CLDN19: variants seen among roughly 807,000 people sequenced by gnomAD.
CLDN19 encodes claudin 19.
A neutral mutation model predicts 24.5 loss-of-function variants in CLDN19; 19 were observed. That is an observed-to-expected ratio of 0.78 (90% CI 0.54 to 1.14). The LOEUF is 1.14. CLDN19 is among the 50% of genes most tolerant of loss of function. The pLI is 0.00. For synonymous variants in CLDN19, 117 were observed against 129.6 expected (o/e 0.90, Z 0.66); for missense variants, 250 against 295.9 (o/e 0.84, Z 1.14).
intron 1 of CLDN19, 112 bp from the exon 2 acceptor site, chr1:42,738,697 TG>T (rs1180847356): frequency 2.4e-5 from 25 of 1,033,658 alleles, no homozygotes; most frequent in Non-Finnish European, 3.2e-5. Flanking sequence ...GGAGCTGGCC[TG>T]GGGGGTCAGA....
chr1:42,733,437 A>C lies in CLDN19; in HGVS notation c.*1649T>G, dbSNP rs573446568. 6.6e-6 allele frequency: 1 copy of C among 152,328 alleles called. No homozygotes were observed. The highest frequency in any genetic ancestry group is 2.4e-5 in the African/African-American group (1 of 41,408). The allele number at this position is 152,328 out of a possible 1,614,324, so 9.4% of individuals were successfully genotyped here. A position where few individuals can be genotyped will look rare whatever the true frequency, so the allele number is the denominator to read the frequency against. On this transcript the variant is annotated 3_prime_UTR_variant, in exon 5 of 5. Coordinates refer to ENST00000296387, the MANE Select transcript of CLDN19 (RefSeq NM_148960.3). ...GACCTCACAGAGTCACCTGGGCTTGAGGCCTCATAGAGGAGCCCTCAGTGC... is the reference window on the plus strand; with the variant it reads ...GACCTCACAGAGTCACCTGGGCTTGCGGCCTCATAGAGGAGCCCTCAGTGC...
At chr1:42,736,400 T>A (rs1651373912) in intron 3 of CLDN19, among the ~76,000 whole-genome samples, 1 of 151,844 alleles carries the variant, frequency 6.6e-6, no homozygotes, top group African/African-American at 2.4e-5. Context: ...CCAGTCACAT[T>A]CTGGCCCACA....
chr1:42,739,794 C>T (rs1220521565), intron 1 of CLDN19, 47 bp downstream of exon 1: 4 of 1,541,152 alleles, frequency 2.6e-6, no homozygotes, highest in East Asian at 4.5e-5. Context: ...CCAGACTCCC[C>T]TGCTGTTCCC....
chr1:42,737,904 A>G (rs1255096954), intron 3 of CLDN19, among the ~76,000 whole-genome samples: 2 of 151,988 alleles, frequency 1.3e-5, no homozygotes, highest in East Asian at 3.9e-4. Flanking sequence ...GCTGGTCTTG[A>G]ACTCCTGACC....
chr1:42,738,104 C>T (rs1313095049), intron 3 of CLDN19, 125 bp downstream of exon 3: 1 of 879,268 alleles, frequency 1.1e-6, no homozygotes, highest in East Asian at 2.5e-5. Flanking sequence ...CTCCTGGCGC[C>T]CCCCTTTAAA....
intron 3 of CLDN19, among the ~76,000 whole-genome samples, chr1:42,737,161 C>G (rs978939864): frequency 6.6e-6 from 1 of 152,212 alleles, no homozygotes; most frequent in African/African-American, 2.4e-5. Flanking sequence ...TGCAGAGCAT[C>G]CCCTTCAGTT....
At position 42,739,902 on chromosome 1, in the gene CLDN19, G is replaced by A. The variant is rs1303732063; in HGVS notation, c.162C>T (p.Cys54=). 7 of 1,612,766 alleles carry A rather than the reference G, an allele frequency of 4.3e-6. No individual in the cohort carries two copies. Among genetic ancestry groups the A allele is most frequent in the Non-Finnish European group, 4.2e-6 (5 of 1,179,666 alleles). Residue 54 remains cysteine, a synonymous_variant, in exon 1 of 5, where the codon TGC becomes TGT. Transcript: ENST00000296387. ...GCACTTGCCCAGTGCTCTGGGAGGC[G>A]CAGGACATCCAGAGCCCTTCATAGA... ...VGLYEGLWMS[C]ASQSTGQVQC...
rs1313365002 is a variant in CLDN19, at chr1:42,735,040, A to G, written c.*46T>C. 7.0e-7 allele frequency: 1 copy of G among 1,422,178 alleles called. No individual in the cohort carries two copies. Among genetic ancestry groups the G allele is most frequent in the African/African-American group, 1.4e-5 (1 of 71,140 alleles). 88.1% of individuals were successfully genotyped at this position (1,422,178 alleles called of 1,614,324 possible). A position where few individuals can be genotyped will look rare whatever the true frequency, so the allele number is the denominator to read the frequency against. ...CTCTTTCCAAAAAAATATGAAACAC[A>G]CAGTCTAGGTATGGCAGGGGACAGA... On this transcript the variant is annotated 3_prime_UTR_variant, in exon 5 of 5. Coordinates refer to ENST00000296387, the MANE Select transcript of CLDN19 (RefSeq NM_148960.3).
Position 42,735,879 on chromosome 1 carries a change from C to A in CLDN19, c.625G>T (p.Glu209Ter). 1 of 1,576,188 alleles carries A rather than the reference C, an allele frequency of 6.3e-7. No homozygotes were observed. Among genetic ancestry groups the A allele is most frequent in the East Asian group, 2.3e-5 (1 of 42,978 alleles). The part of the protein sequence containing the change: ...YRPGPSAAAR[E>*]PVVKLPASAK... Reference sequence around the variant, plus strand: ...AGGGCAGGCGGAGCTCAGACGTACTCTCGGGCAGCAGCAGAGGGTCCAGGC... The same window carrying A: ...AGGGCAGGCGGAGCTCAGACGTACTATCGGGCAGCAGCAGAGGGTCCAGGC... Residue 209 changes from glutamate (E) to a stop codon, truncating the protein, a stop_gained and splice_region_variant, in exon 4 of 5, where the codon GAA becomes TAA. Coordinates refer to ENST00000296387, the MANE Select transcript of CLDN19 (RefSeq NM_148960.3). LOFTEE classifies it high-confidence loss of function.
At chr1:42,735,768 C>T in intron 4 of CLDN19, 110 bp downstream of exon 4, 1 of 1,528,514 alleles carries the variant, frequency 6.5e-7, no homozygotes, top group Non-Finnish European at 8.8e-7. Context: ...GCACCTATGC[C>T]CATCCTATGC....
Position 42,735,571 on chromosome 1 carries a change from G to A in CLDN19, c.626+307C>T, listed in dbSNP as rs181776711. On this transcript the variant is annotated intron_variant, in intron 4 of 4. Transcript: ENST00000296387. The stretch of plus-strand genomic sequence containing the variant: ...GCAGCTCTTCAGTGAGTAAACAGCC[G>A]GGCTGGTGCCTGAGGGCCTGTCTCC... 72 of 1,421,836 alleles carry A rather than the reference G, an allele frequency of 5.1e-5. No homozygotes were observed. In the East Asian group the frequency reaches 1.0e-3, roughly 20 times the overall value. The allele number at this position is 1,421,836 out of a possible 1,614,324, so 88.1% of individuals were successfully genotyped here. A position where few individuals can be genotyped will look rare whatever the true frequency, so the allele number is the denominator to read the frequency against.
At chr1:42,735,343 T>C (rs1651325743) in intron 4 of CLDN19, 6 of 1,450,268 alleles carry the variant, frequency 4.1e-6, no homozygotes, top group Admixed American at 2.7e-5. Context: ...CTGGGCGCAC[T>C]GGAAGAACCT....
Position 42,733,759 on chromosome 1 carries a change from A to G in CLDN19, c.*1327T>C, listed in dbSNP as rs76855155. On this transcript the variant is annotated 3_prime_UTR_variant, in exon 5 of 5. Transcript: ENST00000296387. ...TGTTGTGCCCCGGTGGATGTGCAGC[A>G]CCGGCCAGGCCAGGCGCCGAGGGGT... The G allele has an allele frequency of 7.1e-3, 1,081 of 152,768 alleles. 16 individuals are homozygous for G. Among genetic ancestry groups the G allele is most frequent in the African/African-American group, 0.025 (1,037 of 41,530 alleles). The allele number at this position is 152,768 out of a possible 1,614,324, so 9.5% of individuals were successfully genotyped here. A position where few individuals can be genotyped will look rare whatever the true frequency, so the allele number is the denominator to read the frequency against.
At chr1:42,739,278 G>A (rs1651472909) in intron 1 of CLDN19, among the ~76,000 whole-genome samples, 1 of 152,206 alleles carries the variant, frequency 6.6e-6, no homozygotes, top group South Asian at 2.1e-4. Flanking sequence ...CCCAGAGTTA[G>A]AACTTCGGCG....
rs1651312522 is a variant in CLDN19, at chr1:42,735,054, G to A, written c.*32C>T. 4 of 1,497,496 alleles carry A rather than the reference G, an allele frequency of 2.7e-6. No homozygotes were observed. The highest frequency in any genetic ancestry group is 1.4e-5 in the African/African-American group (1 of 72,688). 92.8% of individuals were successfully genotyped at this position (1,497,496 alleles called of 1,614,324 possible). A position where few individuals can be genotyped will look rare whatever the true frequency, so the allele number is the denominator to read the frequency against. On this transcript the variant is annotated 3_prime_UTR_variant, in exon 5 of 5. Coordinates refer to ENST00000296387, the MANE Select transcript of CLDN19 (RefSeq NM_148960.3). ...ATATGAAACACACAGTCTAGGTATG[G>A]CAGGGGACAGAGCCTGGCTGGGGAC...
chr1:42,734,892 T>C lies in CLDN19; in HGVS notation c.*194A>G. On this transcript the variant is annotated 3_prime_UTR_variant, in exon 5 of 5. Coordinates refer to ENST00000296387, the MANE Select transcript of CLDN19 (RefSeq NM_148960.3). ...TGCTATGTAACCCACCCTGGACCTCTGTCTCCTCATCTTTCTGCCCAAGAG... is the reference window on the plus strand; with the variant it reads ...TGCTATGTAACCCACCCTGGACCTCCGTCTCCTCATCTTTCTGCCCAAGAG... 1.6e-6 allele frequency: 1 copy of C among 619,234 alleles called. No individual in the cohort carries two copies. Among genetic ancestry groups the C allele is most frequent in the Non-Finnish European group, 2.9e-6 (1 of 339,006 alleles). 38.4% of individuals were successfully genotyped at this position (619,234 alleles called of 1,614,324 possible).
chr1:42,736,204 A>G (rs1651367303), intron 3 of CLDN19, among the ~76,000 whole-genome samples, 174 bp from the exon 4 acceptor site: 1 of 151,984 alleles, frequency 6.6e-6, no homozygotes, highest in South Asian at 2.1e-4. Context: ...CCTCCCCCCC[A>G]GCCCAGAATA....
rs1651255626 is a variant in CLDN19, at chr1:42,733,588, A to G, written c.*1498T>C. 2 of 152,230 alleles carry G rather than the reference A, an allele frequency of 1.3e-5. No homozygotes were observed. The highest frequency in any genetic ancestry group is 1.3e-4 in the Admixed American group (2 of 15,282). The allele number at this position is 152,230 out of a possible 1,614,324, so 9.4% of individuals were successfully genotyped here. A position where few individuals can be genotyped will look rare whatever the true frequency, so the allele number is the denominator to read the frequency against. On this transcript the variant is annotated 3_prime_UTR_variant, in exon 5 of 5. Coordinates refer to ENST00000296387, the MANE Select transcript of CLDN19 (RefSeq NM_148960.3). ...GTGCCCCCAGGTGATTCGAATGTGCATGCAGGGTTGGGAACCATTGCACTA... is the reference window on the plus strand; with the variant it reads ...GTGCCCCCAGGTGATTCGAATGTGCGTGCAGGGTTGGGAACCATTGCACTA...
chr1:42,739,088 C>T (rs1334522753), intron 1 of CLDN19, among the ~76,000 whole-genome samples: 4 of 152,104 alleles, frequency 2.6e-5, no homozygotes, highest in Non-Finnish European at 5.9e-5. Flanking sequence ...TGGGTCCATC[C>T]TGGGCCCTGG....
Sources: allele counts gnomAD v4.1 joint callset (sites outside exome capture counted in the v4.1 genomes callset), GRCh38; gene constraint gnomAD v4.1.1; transcripts MANE v1.5; gene names NCBI Gene and HGNC (gene_info 2026-07-23, HGNC 2026-07-21).